Variants in UGT2B7 observed in about 807,000 individuals in gnomAD.
UGT2B7 encodes the protein UDP glucuronosyltransferase family 2 member B7.
Under a neutral mutation model 51.9 loss-of-function variants are expected in UGT2B7, and 51 were observed. The observed-to-expected ratio is 0.98, with a 90% confidence interval of 0.78 to 1.24. The LOEUF (loss-of-function observed/expected upper bound fraction) is 1.24. Ranked by LOEUF, UGT2B7 falls within the 50% of genes most tolerant of loss-of-function variation. The pLI, the probability that UGT2B7 is intolerant of heterozygous loss-of-function variation, is 0.00. For missense variants in UGT2B7, 727 were observed against 628.4 expected, an observed-to-expected ratio of 1.16 and a Z score of -1.68; for synonymous variants, 225 against 211.6, an observed-to-expected ratio of 1.06 and a Z score of -0.55.
At chr4:69,059,618 A>T (rs1310193089) in intron 1 of UGT2B7, among the ~76,000 whole-genome samples, 1 of 151,858 alleles carries the variant, frequency 6.6e-6, no homozygotes, top group East Asian at 1.9e-4. Flanking sequence ...GCTGTAAGTC[A>T]GGCACCAGTG....
chr4:69,109,791 T>G (rs1719720655), intron 5 of UGT2B7, among the ~76,000 whole-genome samples: 1 of 152,036 alleles, frequency 6.6e-6, no homozygotes, highest in African/African-American at 2.4e-5. Context: ...CCTTGTGGAG[T>G]CCAGCTACCA....
chr4:69,062,286 C>T (rs1458085925), intron 1 of UGT2B7, among the ~76,000 whole-genome samples: 1 of 152,044 alleles, frequency 6.6e-6, no homozygotes, highest in East Asian at 1.9e-4. Flanking sequence ...AGCCAGCCAC[C>T]CCCAATCATA....
At chr4:69,056,401 A>T (rs777582263) in intron 1 of UGT2B7, among the ~76,000 whole-genome samples, 1 of 152,244 alleles carries the variant, frequency 6.6e-6, no homozygotes, top group Non-Finnish European at 1.5e-5. Flanking sequence ...AATGCGATCT[A>T]TCAAAATAGA....
chr4:69,112,831 TG>T lies in UGT2B7; in HGVS notation c.*96del. 1 of 1,228,712 alleles carries T rather than the reference TG, an allele frequency of 8.1e-7. No homozygotes were observed. The highest frequency in any genetic ancestry group is 2.1e-4 in the Middle Eastern group (1 of 4,730). 76.1% of individuals were successfully genotyped at this position (1,228,712 alleles called of 1,614,324 possible). On this transcript the variant is annotated 3_prime_UTR_variant, in exon 6 of 6. Coordinates refer to ENST00000305231, the MANE Select transcript of UGT2B7 (RefSeq NM_001074.4). Reference sequence around the variant, plus strand: ...TTGTGATGCAAGATTTCTTTCTTCCTGAGACAAAAAAAAAAAAAGAAAAAAA... The same window carrying T: ...TTGTGATGCAAGATTTCTTTCTTCCTAGACAAAAAAAAAAAAAGAAAAAAA...
At chr4:69,101,581 GA>G (rs1719418823) in intron 2 of UGT2B7, among the ~76,000 whole-genome samples, 1 of 151,978 alleles carries the variant, frequency 6.6e-6, no homozygotes, top group East Asian at 1.9e-4. Flanking sequence ...GCAATACCTA[GA>G]TGCCCCAAGT....
intron 1 of UGT2B7, among the ~76,000 whole-genome samples, chr4:69,074,063 G>A (rs1444791190): frequency 2.0e-5 from 3 of 152,134 alleles, no homozygotes; most frequent in Non-Finnish European, 4.4e-5. Flanking sequence ...ATCTCATTTT[G>A]TCTAGGCATG....
chr4:69,093,343 G>T (rs78130034), upstream of UGT2B7, among the ~76,000 whole-genome samples: 980 of 152,316 alleles, frequency 6.4e-3, 11 homozygotes, highest in Middle Eastern at 0.041. Flanking sequence ...AAACAGCAAA[G>T]ATGGTGGCCC....
Position 69,112,819 on chromosome 4 carries a change from T to G in UGT2B7, c.*83T>G, listed in dbSNP as rs896447010. Reference sequence around the variant, plus strand: ...CAGCAAGAAAGATTGTGATGCAAGATTTCTTTCTTCCTGAGACAAAAAAAA... The same window carrying G: ...CAGCAAGAAAGATTGTGATGCAAGAGTTCTTTCTTCCTGAGACAAAAAAAA... On this transcript the variant is annotated 3_prime_UTR_variant, in exon 6 of 6. Coordinates refer to ENST00000305231, the MANE Select transcript of UGT2B7 (RefSeq NM_001074.4). The G allele has an allele frequency of 3.5e-6, 5 of 1,432,674 alleles. No individual in the cohort carries two copies. The African/African-American group carries it at 7.5e-5, about 22-fold the overall frequency. 88.7% of individuals were successfully genotyped at this position (1,432,674 alleles called of 1,614,324 possible). A position where few individuals can be genotyped will look rare whatever the true frequency, so the allele number is the denominator to read the frequency against.
chr4:69,077,907 C>T (rs1487029709), intron 1 of UGT2B7, among the ~76,000 whole-genome samples: 1 of 152,084 alleles, frequency 6.6e-6, no homozygotes, highest in Non-Finnish European at 1.5e-5. Flanking sequence ...ATGATATGGG[C>T]TGTGGGTTTG....
In UGT2B7 at chr4:69,102,812, G is replaced by T. The variant is rs775959265; in HGVS notation, c.876G>T (p.Met292Ile). 1.6e-5 allele frequency: 25 copies of T among 1,612,152 alleles called. No individual in the cohort carries two copies. The highest frequency in any genetic ancestry group is 2.0e-5 in the Non-Finnish European group (24 of 1,179,262). Residue 292 changes from methionine (M) to isoleucine (I), a missense_variant, in exon 3 of 6, where the codon ATG becomes ATT. Physicochemically the swap from Met to Ile is conservative, Grantham distance 10. Transcript: ENST00000305231. ...CKPAKPLPKEMEDFVQSSGEN... is the reference protein window; with the variant it reads ...CKPAKPLPKEIEDFVQSSGEN... Reference sequence around the variant, plus strand: ...AGCAAATTCTTTCTTCACAGGAAATGGAAGACTTTGTACAGAGCTCTGGAG... The same window carrying T: ...AGCAAATTCTTTCTTCACAGGAAATTGAAGACTTTGTACAGAGCTCTGGAG...
chr4:69,110,742 A>T (rs963417764), intron 5 of UGT2B7, among the ~76,000 whole-genome samples: 2 of 152,166 alleles, frequency 1.3e-5, no homozygotes, highest in Non-Finnish European at 2.9e-5. Context: ...AATGGTTCAG[A>T]AAAAGAGAGT....
chr4:69,069,803 T>A (rs1201106140), intron 1 of UGT2B7: 1 of 152,354 alleles, frequency 6.6e-6, no homozygotes, highest in East Asian at 1.9e-4. Flanking sequence ...TGTGCTGGAC[T>A]GCATGGCAAT....
At chr4:69,103,371 C>A (rs1410725592) in intron 3 of UGT2B7, among the ~76,000 whole-genome samples, 1 of 151,864 alleles carries the variant, frequency 6.6e-6, no homozygotes, top group African/African-American at 2.4e-5. Flanking sequence ...TTGCATGTGG[C>A]CCTGGAGGAG....
At chr4:69,111,050 A>G (rs1429912466) in intron 5 of UGT2B7, among the ~76,000 whole-genome samples, 1 of 152,158 alleles carries the variant, frequency 6.6e-6, no homozygotes, top group Admixed American at 6.5e-5. Context: ...GGAAGCCACA[A>G]GAAGGGAGAG....
intron 2 of UGT2B7, among the ~76,000 whole-genome samples, chr4:69,099,786 GTCAC>G (rs1402299465): frequency 6.6e-6 from 1 of 151,916 alleles, no homozygotes; most frequent in Non-Finnish European, 1.5e-5. Flanking sequence ...ACATGTGCTG[GTCAC>G]TTGAGATATC....
chr4:69,082,704 CAAAGT>C (rs918441125), intron 1 of UGT2B7, among the ~76,000 whole-genome samples: 3 of 151,982 alleles, frequency 2.0e-5, no homozygotes, highest in Admixed American at 6.6e-5. Context: ...CAAAGAAGTA[CAAAGT>C]AAAGTAGCAA....
intron 1 of UGT2B7, among the ~76,000 whole-genome samples, chr4:69,077,674 A>C (rs902409937): frequency 1.3e-5 from 2 of 151,856 alleles, no homozygotes; most frequent in African/African-American, 2.4e-5. Context: ...GCTTAAGGAG[A>C]TTTGGGGCTG....
At chr4:69,051,516 G>A (rs1718014334) in exon 1 of UGT2B7, 1 of 152,398 alleles carries the variant, frequency 6.6e-6, no homozygotes, top group Admixed American at 6.5e-5. Context: ...CACCAGAGAA[G>A]CAGGTAGCAG....
intron 5 of UGT2B7, among the ~76,000 whole-genome samples, chr4:69,109,408 G>T (rs563922720): frequency 6.6e-6 from 1 of 152,132 alleles, no homozygotes; most frequent in Admixed American, 6.5e-5. Flanking sequence ...GTTATTCCCT[G>T]ACTTTTTGTT....
Sources: allele counts gnomAD v4.1 joint callset (sites outside exome capture counted in the v4.1 genomes callset), GRCh38; gene constraint gnomAD v4.1.1; transcripts MANE v1.5; gene names NCBI Gene and HGNC (gene_info 2026-07-23, HGNC 2026-07-21).